Variants in IFT88 observed in about 807,000 individuals in gnomAD.
IFT88 encodes intraflagellar transport protein 88 homolog.
In IFT88, 74 loss-of-function variants were observed where a neutral mutation model predicts 119.5. The ratio of observed to expected loss-of-function variants is 0.62; its 90% CI spans 0.51 to 0.75. The LOEUF (loss-of-function observed/expected upper bound fraction) is 0.75. Among genes scored for constraint, IFT88 ranks in the 30% least tolerant of loss-of-function variants. IFT88 has a pLI of 0.00. For synonymous variants in IFT88, 279 were observed against 316.7 expected (o/e 0.88, Z 1.26); for missense variants, 961 against 977.7 (o/e 0.98, Z 0.23).
intron 3 of IFT88, 47 bp from the exon 4 acceptor site, chr13:20,589,764 A>G (rs771771708): frequency 1.7e-5 from 21 of 1,209,932 alleles, no homozygotes; most frequent in Non-Finnish European, 2.4e-5. Context: ...TTTCTATTAT[A>G]TAGCTCAGTC....
chr13:20,602,359 C>A (rs949992638), intron 12 of IFT88, among the ~76,000 whole-genome samples: 1 of 151,992 alleles, frequency 6.6e-6, no homozygotes, highest in Non-Finnish European at 1.5e-5. Context: ...CATGCGCCAC[C>A]ATGCCCGGCT....
At position 20,678,780 on chromosome 13, in the gene IFT88, G is replaced by A. The variant is rs916181434; in HGVS notation, c.2242+7741G>A. On this transcript the variant is annotated intron_variant, in intron 24 of 25. Transcript: ENST00000351808. ...TTGCTACCAGCATGTCTCCCTTTTC[G>A]TTTTTGCAAAGCGATAAAGACAAAG... Among the ~76,000 whole-genome samples, 17 of 151,926 alleles carry A rather than the reference G, an allele frequency of 1.1e-4. No homozygotes were observed. The South Asian group carries it at 1.5e-3, about 13-fold the overall frequency.
At chr13:20,688,363 A>T (rs556847544) in intron 24 of IFT88, among the ~76,000 whole-genome samples, 17 of 152,304 alleles carry the variant, frequency 1.1e-4, no homozygotes, top group Admixed American at 7.2e-4. Context: ...AAAAGAGGCC[A>T]CCCTACAGAT....
At position 20,661,454 on chromosome 13, in the gene IFT88, G is replaced by A. The variant is rs368753945; in HGVS notation, c.2069-2044G>A. Among the ~76,000 whole-genome samples, 117 of 152,238 alleles carry A rather than the reference G, an allele frequency of 7.7e-4. 2 individuals carry two copies. The South Asian group carries it at 0.021, about 27-fold the overall frequency. ...GACAGTTTATAAAAACTATAAATGC[G>A]GCTGGGTGCGGTGGCACACGCCTGT... On this transcript the variant is annotated intron_variant, in intron 22 of 25. Transcript: ENST00000351808.
At chr13:20,657,762 AAAATAAAT>A (rs532121643) in intron 22 of IFT88, among the ~76,000 whole-genome samples, 9 of 151,152 alleles carry the variant, frequency 6.0e-5, no homozygotes, top group Admixed American at 2.0e-4. Context: ...ATTCTGTCTC[AAAATAAAT>A]AAATAAATAA....
chr13:20,574,244 A>T, intron 1 of IFT88, 136 bp from the exon 2 acceptor site: 1 of 408,122 alleles, frequency 2.5e-6, no homozygotes. Flanking sequence ...CACTTGTGCC[A>T]GAGAGATCAA....
intron 13 of IFT88, among the ~76,000 whole-genome samples, chr13:20,612,704 G>A (rs751847123): frequency 6.6e-6 from 1 of 152,144 alleles, no homozygotes. Flanking sequence ...GAAAAGCAAA[G>A]TTGGGACTCA....
intron 17 of IFT88, 143 bp from the exon 18 acceptor site, chr13:20,641,147 C>A (rs2049891236): frequency 3.5e-6 from 2 of 569,894 alleles, no homozygotes; most frequent in South Asian, 2.4e-5. Flanking sequence ...GACCCTGTAT[C>A]AAAAAACAAA....
At chr13:20,646,630 A>G (rs2050799935) in intron 20 of IFT88, among the ~76,000 whole-genome samples, 1 of 151,906 alleles carries the variant, frequency 6.6e-6, no homozygotes, top group Non-Finnish European at 1.5e-5. Context: ...CACCAATAAA[A>G]TCTTAAGTTA....
chr13:20,644,867 A>G lies in IFT88; in HGVS notation c.1858A>G (p.Ile620Val), dbSNP rs1379795395. ...GTCATATAGGTATTTTCCTTGTAAT[A>G]TTGAAGTCATTGAGTGGCTTGGAGC... ...YESYRYFPCN[I>V]EVIEWLGAYY... Residue 620 changes from isoleucine to valine, a missense_variant, in exon 20 of 26, where the codon ATT (isoleucine) becomes GTT (valine). Transcript: ENST00000351808. 1 of 1,581,630 alleles carries G rather than the reference A, an allele frequency of 6.3e-7. No individual in the cohort carries two copies. Among genetic ancestry groups the G allele is most frequent in the South Asian group, 1.1e-5 (1 of 87,916 alleles).
intron 20 of IFT88, among the ~76,000 whole-genome samples, chr13:20,645,493 ACTTTT>A (rs1419218152): frequency 1.3e-5 from 2 of 152,102 alleles, no homozygotes; most frequent in African/African-American, 2.4e-5. Context: ...TCTTTAAGAT[ACTTTT>A]CTTTATGTAT....
At chr13:20,599,638 GT>G (rs2042278069) in intron 11 of IFT88, 73 bp downstream of exon 11, 1 of 679,864 alleles carries the variant, frequency 1.5e-6, no homozygotes, top group Non-Finnish European at 2.6e-6. Flanking sequence ...CTTCTGACCT[GT>G]TTTCAGTGGG....
intron 23 of IFT88, among the ~76,000 whole-genome samples, chr13:20,667,236 G>A (rs1298502487): frequency 2.6e-5 from 4 of 152,164 alleles, no homozygotes; most frequent in African/African-American, 9.7e-5. Flanking sequence ...TAAAACTCTG[G>A]AAGGATGAGG....
intron 22 of IFT88, among the ~76,000 whole-genome samples, chr13:20,656,961 T>G (rs2052916463): frequency 6.6e-6 from 1 of 152,146 alleles, no homozygotes; most frequent in South Asian, 2.1e-4. Context: ...TGAGTTCAAG[T>G]GATTCTCCTG....
chr13:20,664,589 T>A (rs2054342126), intron 23 of IFT88, among the ~76,000 whole-genome samples: 1 of 152,086 alleles, frequency 6.6e-6, no homozygotes, highest in Non-Finnish European at 1.5e-5. Context: ...CTTTTCTGCT[T>A]CACTGAACAT....
At chr13:20,590,002 T>G in intron 4 of IFT88, 135 bp downstream of exon 4, 1 of 483,618 alleles carries the variant, frequency 2.1e-6, no homozygotes, top group South Asian at 4.2e-5. Flanking sequence ...TTACAAACAT[T>G]ATACAAGTCT....
chr13:20,674,363 G>C (rs2056346217), intron 24 of IFT88, among the ~76,000 whole-genome samples: 2 of 152,178 alleles, frequency 1.3e-5, no homozygotes, highest in African/African-American at 4.8e-5. Flanking sequence ...TGCTTCTCAT[G>C]TGTAGCTGTC....
intron 20 of IFT88, 35 bp from the exon 21 acceptor site, chr13:20,653,841 T>A (rs1435810900): frequency 1.6e-6 from 2 of 1,261,792 alleles, no homozygotes; most frequent in South Asian, 1.5e-5. Context: ...CAGATTTTTT[T>A]ATCTCTAATT....
intron 24 of IFT88, among the ~76,000 whole-genome samples, chr13:20,675,830 T>C (rs1027255745): frequency 6.6e-6 from 1 of 152,252 alleles, no homozygotes; most frequent in East Asian, 1.9e-4. Context: ...TTTTAAAATG[T>C]ACAAATCATT....
Sources: gnomAD v4.1 joint callset for allele counts (sites outside exome capture counted in the v4.1 genomes callset) on GRCh38, gnomAD v4.1.1 for gene constraint, MANE v1.5 for transcripts, NCBI Gene and HGNC (gene_info 2026-07-23, HGNC 2026-07-21) for gene names.